The following GRAMD4 variants were observed in gnomAD, a reference collection of about 807,000 sequenced individuals.
GRAMD4 encodes GRAM domain-containing protein 4.
GRAMD4 carries 25 observed loss-of-function variants against 83.9 expected under a neutral mutation model. That is an observed-to-expected ratio of 0.30 (90% CI 0.22 to 0.42). The LOEUF (loss-of-function observed/expected upper bound fraction) is 0.42, where lower values mean the gene tolerates loss of function less well. Ranked by LOEUF, GRAMD4 falls within the 10% of genes least tolerant of loss-of-function variation. The pLI is 1.00. For missense variants in GRAMD4, 593 were observed against 788.7 expected (o/e 0.75, Z 2.97); for synonymous variants, 336 against 320.9 (o/e 1.05, Z -0.50).
intron 2 of GRAMD4, among the ~76,000 whole-genome samples, chr22:46,634,656 A>G (rs1305464621): frequency 2.6e-5 from 4 of 152,288 alleles, no homozygotes; most frequent in South Asian, 4.2e-4. Context: ...AATATTCATA[A>G]TAGGCTGGGC....
At chr22:46,676,467 T>G in intron 17 of GRAMD4, 133 bp from the exon 18 acceptor site, 1 of 705,518 alleles carries the variant, frequency 1.4e-6, no homozygotes, top group Non-Finnish European at 2.4e-6. Context: ...CCTTCTGTTG[T>G]TTGGAAGTCC....
chr22:46,678,566 G>A lies in GRAMD4; in HGVS notation c.*1315G>A. On this transcript the variant is annotated 3_prime_UTR_variant, in exon 19 of 19. Transcript: ENST00000406902. ...AGGTGGCCACCCCGCGGGCCTGCGT[G>A]TCTGCTGGGGCGGATCCCGCAGCTC... 6 of 985,522 alleles carry A rather than the reference G, an allele frequency of 6.1e-6. No homozygotes were observed. The highest frequency in any genetic ancestry group is 7.2e-6 in the Non-Finnish European group (6 of 829,964). The allele number at this position is 985,522 out of a possible 1,614,324, so 61.0% of individuals were successfully genotyped here.
downstream of GRAMD4, chr22:46,682,471 G>A (rs953524232): frequency 6.1e-6 from 6 of 982,812 alleles, 1 homozygote; most frequent in Admixed American, 6.1e-5. Context: ...GGGAGGCCGT[G>A]AAGAAGCTCT....
intron 1 of GRAMD4, among the ~76,000 whole-genome samples, chr22:46,596,488 C>T (rs1020732267): frequency 1.3e-5 from 2 of 152,214 alleles, no homozygotes; most frequent in African/African-American, 4.8e-5. Flanking sequence ...TTTCTCTTCT[C>T]AGTTGAACCA....
At chr22:46,577,127 C>T (rs1324748257), upstream of GRAMD4, 1 of 216,258 alleles carries the variant, frequency 4.6e-6, no homozygotes, top group Non-Finnish European at 7.7e-6. Flanking sequence ...GACCTGGCGC[C>T]GCCGCCGCCT....
chr22:46,630,745 T>G (rs951904979), intron 2 of GRAMD4, among the ~76,000 whole-genome samples: 1 of 152,242 alleles, frequency 6.6e-6, no homozygotes, highest in African/African-American at 2.4e-5. Flanking sequence ...CTTGTGGCTC[T>G]TAGCGTCCAT....
chr22:46,648,626 T>C (rs2082107558), intron 3 of GRAMD4, among the ~76,000 whole-genome samples: 2 of 151,958 alleles, frequency 1.3e-5, no homozygotes. Context: ...ATTGGATAGA[T>C]GGATGCATCA....
chr22:46,664,236 C>A, intron 8 of GRAMD4, 119 bp downstream of exon 8: 1 of 738,994 alleles, frequency 1.4e-6, no homozygotes, highest in South Asian at 1.5e-5. Context: ...TCCTCAGGCC[C>A]CAGGGACATG....
At chr22:46,676,951 C>T (rs1019947148) in intron 18 of GRAMD4, among the ~76,000 whole-genome samples, 196 bp from the exon 19 acceptor site, 12 of 152,250 alleles carry the variant, frequency 7.9e-5, no homozygotes, top group African/African-American at 1.9e-4. Context: ...TAAAGCCTGG[C>T]TCCCCTCTGC....
At chr22:46,616,130 T>A (rs1361343903), upstream of GRAMD4, among the ~76,000 whole-genome samples, 1 of 141,182 alleles carries the variant, frequency 7.1e-6, no homozygotes, top group Non-Finnish European at 1.5e-5. Context: ...GCGTGCAGGT[T>A]CCCCTGTGTG....
chr22:46,607,207 G>GGGA (rs1569256682), intron 1 of GRAMD4, among the ~76,000 whole-genome samples: 2 of 151,838 alleles, frequency 1.3e-5, no homozygotes, highest in African/African-American at 4.8e-5. Flanking sequence ...CTTTAAAAAG[G>GGGA]GGGGGGTCAT....
chr22:46,638,662 C>T (rs544839832), intron 3 of GRAMD4, among the ~76,000 whole-genome samples: 1 of 152,364 alleles, frequency 6.6e-6, no homozygotes, highest in Admixed American at 6.5e-5. Flanking sequence ...ACCAGTAAGA[C>T]AGTGCCAGGC....
intron 1 of GRAMD4, among the ~76,000 whole-genome samples, chr22:46,592,536 C>G (rs141166430): frequency 6.4e-4 from 97 of 152,088 alleles, no homozygotes; most frequent in African/African-American, 2.2e-3. Context: ...GTGGTGAACT[C>G]AGTCATTCAC....
chr22:46,671,308 C>T (rs181813926), intron 13 of GRAMD4: 2 of 196,018 alleles, frequency 1.0e-5, no homozygotes, highest in East Asian at 1.5e-4. Flanking sequence ...TTTGGAAGGC[C>T]GAGGCGGGTG....
chr22:46,594,308 CCCT>C (rs1275637678), intron 1 of GRAMD4, among the ~76,000 whole-genome samples: 2 of 151,998 alleles, frequency 1.3e-5, no homozygotes, highest in African/African-American at 4.8e-5. Flanking sequence ...CCTGGTGGGC[CCCT>C]CCTCCCTGCC....
chr22:46,592,169 C>T (rs1028479295), intron 1 of GRAMD4, among the ~76,000 whole-genome samples: 1 of 152,172 alleles, frequency 6.6e-6, no homozygotes, highest in Non-Finnish European at 1.5e-5. Flanking sequence ...GGGACAGTCC[C>T]CATAGGGTTG....
chr22:46,591,947 A>G lies in GRAMD4; in HGVS notation c.-50+14657A>G, dbSNP rs921494956. 1.2e-4 allele frequency among the ~76,000 whole-genome samples: 17 copies of G among 138,834 alleles called. No homozygotes were observed. The East Asian group carries it at 3.5e-3, about 29-fold the overall frequency. 91.1% of individuals were successfully genotyped at this position (138,834 alleles called of 152,430 possible). A position where few individuals can be genotyped will look rare whatever the true frequency, so the allele number is the denominator to read the frequency against. ...GAAAGCATCTGTGATATCAGTGGACATTGGGGCCCAGCCCAGGACTGGTGT... is the reference window on the plus strand; with the variant it reads ...GAAAGCATCTGTGATATCAGTGGACGTTGGGGCCCAGCCCAGGACTGGTGT... On this transcript the variant is annotated intron_variant, in intron 1 of 1. Coordinates refer to the GRAMD4 transcript ENST00000431155.
At chr22:46,654,018 C>T (rs1177103919) in intron 3 of GRAMD4, among the ~76,000 whole-genome samples, 2 of 152,234 alleles carry the variant, frequency 1.3e-5, no homozygotes, top group Non-Finnish European at 1.5e-5. Context: ...GCCAGGCGGA[C>T]GCTCCCTTTG....
chr22:46,617,057 C>T (rs1396974414), upstream of GRAMD4, among the ~76,000 whole-genome samples: 5 of 94,702 alleles, frequency 5.3e-5, no homozygotes, highest in Admixed American at 2.3e-4. Flanking sequence ...TGGGTTCCCC[C>T]GTGTGTAGGT....
Sources: gnomAD v4.1 joint callset for allele counts (sites outside exome capture counted in the v4.1 genomes callset) on GRCh38, gnomAD v4.1.1 for gene constraint, MANE v1.5 for transcripts, NCBI Gene and HGNC (gene_info 2026-07-23, HGNC 2026-07-21) for gene names.